The following ZZEF1 variants were observed in gnomAD, a reference collection of about 807,000 sequenced individuals.
The protein encoded by ZZEF1 is zinc finger ZZ-type and EF-hand domain-containing protein 1.
In ZZEF1, 157 loss-of-function variants were observed where a neutral mutation model predicts 342.8. That is an observed-to-expected ratio of 0.46 (90% confidence interval 0.40 to 0.52). ZZEF1 has a LOEUF of 0.52. Ranked by LOEUF, ZZEF1 falls within the 20% of genes least tolerant of loss-of-function variation. The pLI is 0.00. For missense variants in ZZEF1, 3,480 were observed against 3,725.6 expected, an observed-to-expected ratio of 0.93 and a Z score of 1.72; for synonymous variants, 1,505 against 1,429.1, an observed-to-expected ratio of 1.05 and a Z score of -1.20.
chr17:4,016,541 A>G lies in ZZEF1; in HGVS notation c.8002-75T>C, dbSNP rs1298976553. On this transcript the variant is annotated intron_variant, in intron 48 of 54. Coordinates refer to ENST00000381638, the MANE Select transcript of ZZEF1 (RefSeq NM_015113.4). The surrounding 1 kb of genome is among the most constrained non-coding windows in gnomAD (Gnocchi z 4.4). Reference sequence around the variant, plus strand: ...AGAAGGGACAGTTTACTTCAACCCAAGCTCCACCCAAAGGTGCTGGCATCA... The same window carrying G: ...AGAAGGGACAGTTTACTTCAACCCAGGCTCCACCCAAAGGTGCTGGCATCA... 2 of 1,519,750 alleles carry G rather than the reference A, an allele frequency of 1.3e-6. No homozygotes were observed. Among genetic ancestry groups the G allele is most frequent in the Admixed American group, 4.2e-5 (2 of 47,072 alleles). 94.1% of individuals were successfully genotyped at this position (1,519,750 alleles called of 1,614,324 possible). A position where few individuals can be genotyped will look rare whatever the true frequency, so the allele number is the denominator to read the frequency against.
rs767427533 is a variant in ZZEF1 at position 4,009,637 on chromosome 17, A to T, written c.8700T>A (p.Thr2900=). 6.2e-7 allele frequency: 1 copy of T among 1,613,960 alleles called. No individual in the cohort carries two copies. Among genetic ancestry groups the T allele is most frequent in the Non-Finnish European group, 8.5e-7 (1 of 1,180,010 alleles). ...GILLPLHRAL[T]ELFFVTENRA... Reference sequence around the variant, plus strand: ...GGTTCTCGGTGACGAAGAAGAGCTCAGTGAGGGCACGATGCAGGGGAAGGA... The same window carrying T: ...GGTTCTCGGTGACGAAGAAGAGCTCTGTGAGGGCACGATGCAGGGGAAGGA... Residue 2900 remains threonine, a synonymous_variant, in exon 53 of 55, where the codon ACT becomes ACA. Coordinates refer to ENST00000381638, the MANE Select transcript of ZZEF1 (RefSeq NM_015113.4).
chr17:4,017,297 G>A lies in ZZEF1; in HGVS notation c.8001+74C>T. The A allele has an allele frequency of 6.5e-7, 1 of 1,526,856 alleles. No homozygotes were observed. Among genetic ancestry groups the A allele is most frequent in the Non-Finnish European group, 8.8e-7 (1 of 1,138,320 alleles). 94.6% of individuals were successfully genotyped at this position (1,526,856 alleles called of 1,614,324 possible). On this transcript the variant is annotated intron_variant, in intron 48 of 54. Transcript: ENST00000381638. The surrounding 1 kb of genome is among the most constrained non-coding windows in gnomAD (Gnocchi z 5.1). The stretch of plus-strand genomic sequence containing the variant: ...CACACAGGTAGCCTCGCTCCAGGAA[G>A]CACTCACTGGAGGAAGCCTGTGGGG...
chr17:4,137,664 C>T (rs1434147483), intron 1 of ZZEF1, among the ~76,000 whole-genome samples: 1 of 152,192 alleles, frequency 6.6e-6, no homozygotes. Context: ...ACTGCCTCAT[C>T]ACCATCCACA....
chr17:4,087,917 C>T (rs1446947598), intron 13 of ZZEF1, among the ~76,000 whole-genome samples: 1 of 152,110 alleles, frequency 6.6e-6, no homozygotes, highest in Non-Finnish European at 1.5e-5. Context: ...TATACTGACG[C>T]CTTCCCCGTG....
At position 4,140,047 on chromosome 17, in the gene ZZEF1, G is replaced by C. The variant is rs116788884; in HGVS notation, c.354+2495C>G. Among the ~76,000 whole-genome samples the C allele has an allele frequency of 4.9e-3, 753 of 152,294 alleles. 5 individuals carry two copies. Among genetic ancestry groups the C allele is most frequent in the African/African-American group, 0.018 (732 of 41,556 alleles). On this transcript the variant is annotated intron_variant, in intron 1 of 54. Transcript: ENST00000381638. The stretch of plus-strand genomic sequence containing the variant: ...TGGAAAATGACAGCAGGAGTCAACA[G>C]AATTACTAAGTGGAAGATGTCCGTG...
chr17:4,088,656 C>T, intron 13 of ZZEF1, 22 bp downstream of exon 13: 1 of 1,611,776 alleles, frequency 6.2e-7, no homozygotes, highest in Non-Finnish European at 8.5e-7. Context: ...GGAATGCCGT[C>T]TAACAACTGA....
intron 2 of ZZEF1, among the ~76,000 whole-genome samples, chr17:4,118,261 T>G (rs1036220951): frequency 6.6e-6 from 1 of 152,168 alleles, no homozygotes; most frequent in African/African-American, 2.4e-5. Flanking sequence ...TTAGGCTGGA[T>G]GGGTCAGAAA....
rs2056149499 is a variant in ZZEF1 at position 4,017,767 on chromosome 17, T to G, written c.7642-37A>C. Reference sequence around the variant, plus strand: ...AGACCACCATTACAGAGGTCTAGCCTTCTTACAGTGGTGGTATGGGGTGGG... The same window carrying G: ...AGACCACCATTACAGAGGTCTAGCCGTCTTACAGTGGTGGTATGGGGTGGG... On this transcript the variant is annotated intron_variant, in intron 47 of 54. Coordinates refer to ENST00000381638, the MANE Select transcript of ZZEF1 (RefSeq NM_015113.4). The surrounding 1 kb of genome is among the most constrained non-coding windows in gnomAD (Gnocchi z 5.1). The G allele has an allele frequency of 6.2e-7, 1 of 1,611,292 alleles. No homozygotes were observed. The highest frequency in any genetic ancestry group is 8.5e-7 in the Non-Finnish European group (1 of 1,177,840).
At chr17:4,012,726 C>T (rs750841374) in intron 52 of ZZEF1, among the ~76,000 whole-genome samples, 39 of 152,102 alleles carry the variant, frequency 2.6e-4, no homozygotes, top group African/African-American at 2.4e-4. Context: ...ACAGATGACA[C>T]GACTGTACAC....
intron 9 of ZZEF1, among the ~76,000 whole-genome samples, chr17:4,097,008 T>A (rs2058045819): frequency 6.6e-6 from 1 of 152,002 alleles, no homozygotes; most frequent in African/African-American, 2.4e-5. Flanking sequence ...ACGTCTGTAA[T>A]CCCAGCACTT....
rs181491815 is a variant in ZZEF1, at chr17:4,059,138, T to C, written c.5003+33A>G. 97 of 1,524,740 alleles carry C rather than the reference T, an allele frequency of 6.4e-5. No homozygotes were observed. In the East Asian group the frequency reaches 1.4e-3, roughly 22 times the overall value. 94.5% of individuals were successfully genotyped at this position (1,524,740 alleles called of 1,614,324 possible). On this transcript the variant is annotated intron_variant, in intron 31 of 54. Coordinates refer to ENST00000381638, the MANE Select transcript of ZZEF1 (RefSeq NM_015113.4). The stretch of plus-strand genomic sequence containing the variant: ...TTTATAATCAGAAAAAAATACATTT[T>C]TTTTCTCTAGAAATGATAAAGTTAT...
intron 26 of ZZEF1, among the ~76,000 whole-genome samples, chr17:4,068,935 T>C (rs1339252782): frequency 1.3e-5 from 2 of 152,228 alleles, no homozygotes; most frequent in Non-Finnish European, 2.9e-5. Flanking sequence ...AAATAGTCCT[T>C]AGACATATAA....
chr17:4,073,198 A>T (rs1425388703), intron 24 of ZZEF1, among the ~76,000 whole-genome samples: 1 of 152,242 alleles, frequency 6.6e-6, no homozygotes, highest in Non-Finnish European at 1.5e-5. Context: ...AAATGCTAAT[A>T]GCTATTTCTT....
At chr17:4,141,372 G>A (rs1243471091) in intron 1 of ZZEF1, among the ~76,000 whole-genome samples, 1 of 152,206 alleles carries the variant, frequency 6.6e-6, no homozygotes, top group East Asian at 1.9e-4. Context: ...GGCACTGCAA[G>A]TACCCGCTGG....
intron 2 of ZZEF1, among the ~76,000 whole-genome samples, chr17:4,117,438 G>A (rs1265735530): frequency 2.6e-5 from 4 of 152,174 alleles, no homozygotes; most frequent in Non-Finnish European, 4.4e-5. Context: ...CTGAGGTCAA[G>A]AGTTCGATAT....
chr17:4,130,858 G>A (rs1379358626), intron 1 of ZZEF1, among the ~76,000 whole-genome samples: 1 of 152,104 alleles, frequency 6.6e-6, no homozygotes, highest in East Asian at 1.9e-4. Context: ...AATTTTTTAA[G>A]ACTGAGGAAA....
At chr17:4,076,787 C>T (rs1341980522) in intron 20 of ZZEF1, 28 bp from the exon 21 acceptor site, 16 of 1,608,596 alleles carry the variant, frequency 9.9e-6, no homozygotes, top group East Asian at 2.2e-5. Context: ...AAGCACTCAG[C>T]GTCCACCTTA....
chr17:4,062,077 A>C (rs1388942055), intron 30 of ZZEF1, among the ~76,000 whole-genome samples: 6 of 151,950 alleles, frequency 3.9e-5, no homozygotes, highest in Non-Finnish European at 8.8e-5. Context: ...TCACTCAGCC[A>C]CACTGGTTTT....
intron 42 of ZZEF1, among the ~76,000 whole-genome samples, chr17:4,031,451 T>C (rs2056545678): frequency 6.6e-6 from 1 of 152,320 alleles, no homozygotes; most frequent in Non-Finnish European, 1.5e-5. Context: ...GTGTCAATTT[T>C]CGACAAGATT....
Sources: allele counts gnomAD v4.1 joint callset (sites outside exome capture counted in the v4.1 genomes callset), GRCh38; gene constraint gnomAD v4.1.1; non-coding constraint Gnocchi (gnomAD v3.1); transcripts MANE v1.5; gene names NCBI Gene and HGNC (gene_info 2026-07-23, HGNC 2026-07-21).